Variants in MCU observed in about 807,000 individuals in gnomAD.
MCU encodes the protein calcium uniporter protein, mitochondrial.
Under a neutral mutation model 45.2 loss-of-function variants are expected in MCU, and 12 were observed. The ratio of observed to expected loss-of-function variants is 0.27; its 90% CI spans 0.17 to 0.43. The LOEUF is 0.43. Ranked by LOEUF, MCU falls within the 20% of genes least tolerant of loss-of-function variation. The pLI is 1.00. For missense variants in MCU, 324 were observed against 436.7 expected (o/e 0.74, Z 2.30); for synonymous variants, 160 against 165.1 (o/e 0.97, Z 0.24).
At chr10:72,746,677 A>G (rs961696171) in intron 1 of MCU, among the ~76,000 whole-genome samples, 9 of 152,216 alleles carry the variant, frequency 5.9e-5, no homozygotes, top group African/African-American at 2.2e-4. Context: ...CTAATTGCAT[A>G]ATTGTAATGT....
chr10:72,776,223 G>T (rs1405767779), intron 1 of MCU, among the ~76,000 whole-genome samples: 3 of 151,772 alleles, frequency 2.0e-5, no homozygotes, highest in Non-Finnish European at 4.4e-5. Flanking sequence ...ATTCTATGAG[G>T]CCAGGATTAC....
At chr10:72,875,012 A>G (rs1279763521) in intron 6 of MCU, among the ~76,000 whole-genome samples, 1 of 152,180 alleles carries the variant, frequency 6.6e-6, no homozygotes, top group East Asian at 1.9e-4. Context: ...AAGTACATCT[A>G]TTCACATATT....
At chr10:72,827,333 A>C (rs1844813691) in intron 1 of MCU, among the ~76,000 whole-genome samples, 2 of 152,222 alleles carry the variant, frequency 1.3e-5, no homozygotes, top group African/African-American at 4.8e-5. Flanking sequence ...ATCTCAATAC[A>C]ACACGGAATG....
At chr10:72,726,873 G>C (rs889872335) in intron 1 of MCU, among the ~76,000 whole-genome samples, 36 of 152,242 alleles carry the variant, frequency 2.4e-4, no homozygotes, top group African/African-American at 5.3e-4. Flanking sequence ...TTCTTAAAAA[G>C]ACTTTAAGAG....
At chr10:72,786,699 T>C (rs1339867566) in intron 1 of MCU, among the ~76,000 whole-genome samples, 1 of 152,122 alleles carries the variant, frequency 6.6e-6, no homozygotes, top group Non-Finnish European at 1.5e-5. Context: ...TGAGCCGAGA[T>C]TGTGCCACTT....
At chr10:72,745,448 C>T (rs1029647400) in intron 1 of MCU, among the ~76,000 whole-genome samples, 5 of 152,126 alleles carry the variant, frequency 3.3e-5, no homozygotes, top group Admixed American at 2.0e-4. Context: ...AGGCTGGTCT[C>T]GAACTCCTGA....
chr10:72,715,796 C>A (rs1168402488), intron 1 of MCU: 2 of 862,326 alleles, frequency 2.3e-6, no homozygotes, highest in Non-Finnish European at 2.8e-6. Flanking sequence ...TAAATTAACA[C>A]ATCCCCTGTA....
chr10:72,712,044 A>G (rs1478852499), intron 1 of MCU, among the ~76,000 whole-genome samples: 1 of 151,828 alleles, frequency 6.6e-6, no homozygotes, highest in Non-Finnish European at 1.5e-5. Flanking sequence ...AAAAACCCAA[A>G]AAACAAAAAA....
intron 1 of MCU, among the ~76,000 whole-genome samples, chr10:72,704,666 T>C (rs1014022522): frequency 6.6e-6 from 1 of 150,534 alleles, no homozygotes; most frequent in African/African-American, 2.4e-5. Flanking sequence ...GCATCCCAAG[T>C]AACTGGGACT....
rs955176736 is a variant in MCU, at chr10:72,872,591, G to T, written c.861+1011G>T. ...CTTATCCATTTTGCTGCAAAGGACA[G>T]GATATCATTCATTTTATTGCTAAGT... On this transcript the variant is annotated intron_variant, in intron 6 of 7. Coordinates refer to ENST00000373053, the MANE Select transcript of MCU (RefSeq NM_138357.3). 3.9e-5 allele frequency among the ~76,000 whole-genome samples: 6 copies of T among 152,282 alleles called. No homozygotes were observed. In the South Asian group the frequency reaches 1.2e-3, roughly 32 times the overall value.
intron 1 of MCU, among the ~76,000 whole-genome samples, chr10:72,704,479 G>T (rs1842794465): frequency 6.6e-6 from 1 of 151,558 alleles, no homozygotes; most frequent in Non-Finnish European, 1.5e-5. Flanking sequence ...GTACTGACCT[G>T]CTAAAATTTT....
intron 2 of MCU, among the ~76,000 whole-genome samples, chr10:72,837,682 G>A (rs1844974262): frequency 1.3e-5 from 2 of 151,994 alleles, no homozygotes; most frequent in Admixed American, 1.3e-4. Flanking sequence ...ATGACTGATA[G>A]TAAAATTTTT....
At chr10:72,810,664 T>TG (rs78299852) in intron 1 of MCU, among the ~76,000 whole-genome samples, 39 of 147,976 alleles carry the variant, frequency 2.6e-4, no homozygotes, top group Non-Finnish European at 5.3e-4. Context: ...TTGTTGTTGT[T>TG]TTGTATTTTT....
chr10:72,760,628 C>T (rs187340722), intron 1 of MCU: 4 of 151,940 alleles, frequency 2.6e-5, no homozygotes, highest in Admixed American at 6.6e-5. Flanking sequence ...CTCCTGGGCT[C>T]AAGCAATCCT....
rs527415147 is a variant in MCU at position 72,768,036 on chromosome 10, T to A, written c.151-66323T>A. On this transcript the variant is annotated intron_variant, in intron 1 of 7. Coordinates refer to ENST00000373053, the MANE Select transcript of MCU (RefSeq NM_138357.3). Reference sequence around the variant, plus strand: ...TCTTAAAATGACTTGTACTATCTATTAAGATGAAGAGTTTCCAAGGCGAAT... The same window carrying A: ...TCTTAAAATGACTTGTACTATCTATAAAGATGAAGAGTTTCCAAGGCGAAT... 6.6e-5 allele frequency among the ~76,000 whole-genome samples: 10 copies of A among 152,042 alleles called. No homozygotes were observed. In the East Asian group the frequency reaches 1.9e-3, roughly 29 times the overall value.
chr10:72,698,018 A>G (rs1842711890), intron 1 of MCU, among the ~76,000 whole-genome samples: 1 of 151,674 alleles, frequency 6.6e-6, no homozygotes, highest in Non-Finnish European at 1.5e-5. Context: ...TGGCTTCAAT[A>G]GATCCTCTCA....
intron 1 of MCU, among the ~76,000 whole-genome samples, chr10:72,769,937 T>A (rs1293338497): frequency 6.6e-6 from 1 of 152,240 alleles, no homozygotes; most frequent in Non-Finnish European, 1.5e-5. Flanking sequence ...TTTACAACTA[T>A]AAATTTCCAT....
At chr10:72,884,181 T>C in intron 6 of MCU, 85 bp from the exon 7 acceptor site, 1 of 797,946 alleles carries the variant, frequency 1.3e-6, no homozygotes, top group South Asian at 1.5e-5. Flanking sequence ...CGCATACATA[T>C]GTATTGAATC....
intron 1 of MCU, among the ~76,000 whole-genome samples, chr10:72,705,803 G>A (rs1178106621): frequency 6.7e-6 from 1 of 149,298 alleles, no homozygotes; most frequent in Non-Finnish European, 1.5e-5. Context: ...GTCTGTAAGA[G>A]CAAAAACTCC....
Sources: gnomAD v4.1 joint callset for allele counts (sites outside exome capture counted in the v4.1 genomes callset) on GRCh38, gnomAD v4.1.1 for gene constraint, MANE v1.5 for transcripts, NCBI Gene and HGNC (gene_info 2026-07-23, HGNC 2026-07-21) for gene names.